The following NXPH2 variants were observed in gnomAD, a reference collection of about 807,000 sequenced individuals.
NXPH2 encodes neurexophilin 2.
NXPH2 carries 5 observed loss-of-function variants against 19.8 expected under a neutral mutation model. The ratio of observed to expected loss-of-function variants is 0.25; its 90% CI spans 0.13 to 0.53. NXPH2 has a LOEUF of 0.53. Ranked by LOEUF, NXPH2 falls within the 20% of genes least tolerant of loss-of-function variation. The probability of loss-of-function intolerance (pLI) is 0.96; values close to 1 mark genes in which losing one functional copy is unlikely to be tolerated. For missense variants in NXPH2, 289 were observed against 322.8 expected (o/e 0.90, Z 0.80); for synonymous variants, 154 against 127.4 (o/e 1.21, Z -1.41).
intron 1 of NXPH2, among the ~76,000 whole-genome samples, chr2:138,770,856 C>T (rs1682165302): frequency 6.6e-6 from 1 of 151,938 alleles, no homozygotes; most frequent in South Asian, 2.1e-4. Context: ...AAAGGCAATT[C>T]ACAAAATAAG....
chr2:138,776,156 C>A (rs906183523), intron 1 of NXPH2, among the ~76,000 whole-genome samples: 1 of 151,998 alleles, frequency 6.6e-6, no homozygotes, highest in African/African-American at 2.4e-5. Flanking sequence ...AAAAGGTGGG[C>A]GGTGTCTTAT....
intron 1 of NXPH2, among the ~76,000 whole-genome samples, chr2:138,729,370 A>G (rs544804837): frequency 2.0e-5 from 3 of 152,254 alleles, no homozygotes; most frequent in East Asian, 1.9e-4. Context: ...CACCTTGTGA[A>G]GAAGGATGTG....
chr2:138,730,100 A>G (rs991308655), intron 1 of NXPH2, among the ~76,000 whole-genome samples: 1 of 152,116 alleles, frequency 6.6e-6, no homozygotes, highest in African/African-American at 2.4e-5. Flanking sequence ...TCTGTGTCAT[A>G]ATTGCTTCCT....
At chr2:138,708,951 A>G (rs1681056809) in intron 1 of NXPH2, among the ~76,000 whole-genome samples, 1 of 152,238 alleles carries the variant, frequency 6.6e-6, no homozygotes, top group Non-Finnish European at 1.5e-5. Flanking sequence ...AACAAAAACA[A>G]GTGAGCATTT....
intron 1 of NXPH2, among the ~76,000 whole-genome samples, chr2:138,699,191 G>T (rs1174894578): frequency 6.6e-6 from 1 of 152,074 alleles, no homozygotes; most frequent in Non-Finnish European, 1.5e-5. Flanking sequence ...CATATGCAGA[G>T]AAAATTGGAA....
At chr2:138,727,157 CCACAGTTTATTTATCCACTCACCCAT>C (rs1404866748) in intron 1 of NXPH2, among the ~76,000 whole-genome samples, 1 of 152,104 alleles carries the variant, frequency 6.6e-6, no homozygotes, top group African/African-American at 2.4e-5. Flanking sequence ...TCTGGATGTA[CCACAGTTTATTTATCCACTCACCCAT>C]CAAAGGACAT....
At chr2:138,709,785 T>A (rs547851674) in intron 1 of NXPH2, among the ~76,000 whole-genome samples, 2 of 152,328 alleles carry the variant, frequency 1.3e-5, no homozygotes, top group South Asian at 4.1e-4. Context: ...CAGATCAGTG[T>A]CTTAGTATTT....
intron 1 of NXPH2, among the ~76,000 whole-genome samples, chr2:138,706,690 T>C (rs993039815): frequency 3.3e-5 from 5 of 152,086 alleles, no homozygotes; most frequent in African/African-American, 1.2e-4. Flanking sequence ...AGCGGGAAGA[T>C]TGCTTGAAGT....
At chr2:138,745,183 A>G (rs1271648475) in intron 1 of NXPH2, among the ~76,000 whole-genome samples, 4 of 152,184 alleles carry the variant, frequency 2.6e-5, no homozygotes, top group Non-Finnish European at 5.9e-5. Context: ...TGAATGCATA[A>G]TGCTTTTCAT....
intron 1 of NXPH2, among the ~76,000 whole-genome samples, chr2:138,747,241 G>A (rs1681751276): frequency 6.6e-6 from 1 of 152,188 alleles, no homozygotes; most frequent in African/African-American, 2.4e-5. Flanking sequence ...AGGAGATCAA[G>A]CAGGGAAAGA....
At position 138,671,188 on chromosome 2, in the gene NXPH2, A is replaced by G; in HGVS notation, c.529T>C (p.Leu177=). The stretch of plus-strand genomic sequence containing the variant: ...AAAGATTTGGATTCCTTGGTCTCCA[A>G]GGTAGACTGGGGGGAAACTTCAAAT... ...VEFEVSPQST[L]ETKESKSFNC... is the part of the protein sequence containing the mutation. Residue 177 remains leucine, a synonymous_variant, in exon 2 of 2, where the codon TTG becomes CTG. Transcript: ENST00000272641. 1 of 1,613,952 alleles carries G rather than the reference A, an allele frequency of 6.2e-7. No homozygotes were observed. Among genetic ancestry groups the G allele is most frequent in the African/African-American group, 1.3e-5 (1 of 75,044 alleles).
intron 1 of NXPH2, among the ~76,000 whole-genome samples, chr2:138,775,257 A>G (rs958410571): frequency 2.6e-5 from 4 of 152,214 alleles, no homozygotes; most frequent in African/African-American, 7.2e-5. Context: ...ATCTTACAGC[A>G]TAATGAACCA....
intron 1 of NXPH2, among the ~76,000 whole-genome samples, chr2:138,704,122 G>C (rs1680973128): frequency 6.6e-6 from 1 of 152,184 alleles, no homozygotes; most frequent in Admixed American, 6.5e-5. Context: ...ACAATGCCTG[G>C]GATACAGGAT....
At chr2:138,754,589 T>C (rs1328017117) in intron 1 of NXPH2, among the ~76,000 whole-genome samples, 5 of 152,314 alleles carry the variant, frequency 3.3e-5, no homozygotes, top group East Asian at 1.9e-4. Flanking sequence ...TGTTTAACTA[T>C]AGAAGCACAG....
chr2:138,729,299 G>A (rs1005691446), intron 1 of NXPH2, among the ~76,000 whole-genome samples: 1 of 152,176 alleles, frequency 6.6e-6, no homozygotes, highest in African/African-American at 2.4e-5. Context: ...ATTCTCATGA[G>A]ATCTGATGGT....
chr2:138,697,703 T>C (rs1680848956), intron 1 of NXPH2, among the ~76,000 whole-genome samples: 1 of 151,736 alleles, frequency 6.6e-6, no homozygotes, highest in African/African-American at 2.4e-5. Context: ...CACACTTTTT[T>C]TAATTTGGAA....
chr2:138,776,568 T>C (rs1682265865), intron 1 of NXPH2, among the ~76,000 whole-genome samples: 2 of 151,754 alleles, frequency 1.3e-5, no homozygotes, highest in Admixed American at 1.3e-4. Flanking sequence ...AATGAGGAGT[T>C]CATTTTAATG....
chr2:138,694,938 T>A (rs1680807145), intron 1 of NXPH2, among the ~76,000 whole-genome samples: 1 of 152,176 alleles, frequency 6.6e-6, no homozygotes, highest in Non-Finnish European at 1.5e-5. Context: ...TATAGCCTAC[T>A]ACACACCTAG....
intron 1 of NXPH2, among the ~76,000 whole-genome samples, chr2:138,718,884 T>C (rs535561392): frequency 6.6e-6 from 1 of 151,982 alleles, no homozygotes; most frequent in Middle Eastern, 3.4e-3. Flanking sequence ...TAAAGGGAAG[T>C]ACAGGAGACG....
Sources: allele counts gnomAD v4.1 joint callset (sites outside exome capture counted in the v4.1 genomes callset), GRCh38; gene constraint gnomAD v4.1.1; transcripts MANE v1.5; gene names NCBI Gene and HGNC (gene_info 2026-07-23, HGNC 2026-07-21).